Variants in CUX1 observed in about 807,000 individuals in gnomAD.
CUX1 encodes the protein protein CASP.
Under a neutral mutation model 158.8 loss-of-function variants are expected in CUX1, and 31 were observed. The observed-to-expected ratio is 0.20, with a 90% CI of 0.15 to 0.26. The LOEUF (loss-of-function observed/expected upper bound fraction) is 0.26, where lower values mean the gene tolerates loss of function less well. CUX1 is among the 10% of genes least tolerant of loss of function. The probability of loss-of-function intolerance (pLI) is 1.00; values close to 1 mark genes in which losing one functional copy is unlikely to be tolerated. For synonymous variants in CUX1, 879 were observed against 862.1 expected (o/e 1.02, Z -0.34); for missense variants, 1,589 against 2,014.6 (o/e 0.79, Z 4.04).
At chr7:102,196,116 C>T (rs545279010) in intron 14 of CUX1, among the ~76,000 whole-genome samples, 40 of 152,352 alleles carry the variant, frequency 2.6e-4, no homozygotes, top group African/African-American at 9.6e-4. Context: ...CTGGTTTGGG[C>T]AGCTGGTAAA....
At chr7:102,269,389 C>A (rs538768816) in intron 14 of CUX1, among the ~76,000 whole-genome samples, 1 of 151,682 alleles carries the variant, frequency 6.6e-6, no homozygotes, top group Non-Finnish European at 1.5e-5. Flanking sequence ...TACAATCATG[C>A]CTTTCCAACA....
intron 1 of CUX1, among the ~76,000 whole-genome samples, chr7:101,836,849 G>T (rs1375413871): frequency 6.6e-6 from 1 of 152,182 alleles, no homozygotes; most frequent in Non-Finnish European, 1.5e-5. Context: ...CCCAGCATGG[G>T]TGCGGTGGGG....
Position 102,243,632 on chromosome 7 carries a change from AAATAATAATAAT to A in CUX1, c.3887+4084_3887+4095del, listed in dbSNP as rs3077412. Among the ~76,000 whole-genome samples the A allele has an allele frequency of 9.8e-3, 1,286 of 130,812 alleles. 14 individuals are homozygous for A. The highest frequency in any genetic ancestry group is 0.023 in the African/African-American group (782 of 34,706). The allele number at this position is 130,812 out of a possible 152,430, so 85.8% of individuals were successfully genotyped here. A position where few individuals can be genotyped will look rare whatever the true frequency, so the allele number is the denominator to read the frequency against. On this transcript the variant is annotated intron_variant, in intron 23 of 23. Transcript: ENST00000292535. ...CTCAGTGAGACCCTGTCTCTACAGAAAATAATAATAATAATAATAATAATAATAATAATAATA... is the reference window on the plus strand; with the variant it reads ...CTCAGTGAGACCCTGTCTCTACAGAAAATAATAATAATAATAATAATAATA...
intron 1 of CUX1, among the ~76,000 whole-genome samples, chr7:101,853,684 G>C (rs1168183880): frequency 6.6e-6 from 1 of 151,910 alleles, no homozygotes; most frequent in African/African-American, 2.4e-5. Flanking sequence ...GTCTAGTTGC[G>C]GGGAGCCCCC....
chr7:102,190,465 C>G (rs1444234884), intron 12 of CUX1, among the ~76,000 whole-genome samples: 1 of 152,174 alleles, frequency 6.6e-6, no homozygotes, highest in African/African-American at 2.4e-5. Flanking sequence ...AGGTCCTGGT[C>G]TTTACCTGTC....
chr7:101,841,717 G>A (rs1055623135), intron 1 of CUX1, among the ~76,000 whole-genome samples: 4 of 151,842 alleles, frequency 2.6e-5, no homozygotes, highest in East Asian at 1.9e-4. Flanking sequence ...CTGCCACCAC[G>A]CCCAGCTGAG....
In CUX1 at chr7:101,821,671, C is replaced by CTTTTTTTTTTTTTTT. The variant is rs58793343; in HGVS notation, c.30+4014_30+4028dup. Among the ~76,000 whole-genome samples, 138 of 51,322 alleles carry CTTTTTTTTTTTTTTT rather than the reference C, an allele frequency of 2.7e-3. 14 individuals carry two copies. The highest frequency in any genetic ancestry group is 4.3e-3 in the African/African-American group (53 of 12,348). 33.7% of individuals were successfully genotyped at this position (51,322 alleles called of 152,430 possible). ...CTTTTCTTTTCTTTTTTTCTTTTTTCTTTTTTTTTTTTTTTTTTTTTTTTT... is the reference window on the plus strand; with the variant it reads ...CTTTTCTTTTCTTTTTTTCTTTTTTCTTTTTTTTTTTTTTTTTTTTTTTTTTTTTTTTTTTTTTTT... On this transcript the variant is annotated intron_variant, in intron 1 of 23. Coordinates refer to ENST00000292535, the MANE Select transcript of CUX1 (RefSeq NM_181552.4).
intron 9 of CUX1, among the ~76,000 whole-genome samples, chr7:102,168,923 C>CTTTTTTTTTTTTTTTTTTTTTTTTTTT (rs1191271149): frequency 2.2e-5 from 1 of 45,054 alleles, no homozygotes; most frequent in African/African-American, 1.6e-4. Context: ...ATTTTCTTTT[C>CTTTTTTTTTTTTTTTTTTTTTTTTTTT]TTTTCTTTTA....
At chr7:101,991,758 CAAAAAAAAA>C (rs34948858) in intron 2 of CUX1, among the ~76,000 whole-genome samples, 1 of 115,932 alleles carries the variant, frequency 8.6e-6, no homozygotes, top group Non-Finnish European at 1.8e-5. Context: ...GACTTCATCT[CAAAAAAAAA>C]AAAAAAAAAA....
intron 5 of CUX1, 140 bp from the exon 6 acceptor site, chr7:102,104,196 T>G (rs1176741344): frequency 2.6e-6 from 2 of 768,964 alleles, no homozygotes; most frequent in Non-Finnish European, 4.1e-6. Flanking sequence ...AAGGGACTCA[T>G]AACCATTGAT....
chr7:102,121,351 T>TG (rs1202976005), intron 8 of CUX1, among the ~76,000 whole-genome samples: 1 of 150,220 alleles, frequency 6.7e-6, no homozygotes, highest in Non-Finnish European at 1.5e-5. Context: ...CTTTTTGGTT[T>TG]TTTTTTTTTT....
At chr7:101,891,378 C>T (rs1298144659) in intron 1 of CUX1, among the ~76,000 whole-genome samples, 1 of 152,078 alleles carries the variant, frequency 6.6e-6, no homozygotes. Context: ...ACCACCAGGC[C>T]CAGCTGACTT....
intron 10 of CUX1, among the ~76,000 whole-genome samples, chr7:102,177,959 C>T (rs1047472504): frequency 2.6e-5 from 4 of 152,248 alleles, no homozygotes; most frequent in Admixed American, 1.3e-4. Context: ...GTGGTACAAT[C>T]TCAGCTCAGC....
intron 5 of CUX1, among the ~76,000 whole-genome samples, chr7:102,099,991 A>G (rs1371627581): frequency 6.6e-6 from 1 of 152,138 alleles, no homozygotes; most frequent in Non-Finnish European, 1.5e-5. Flanking sequence ...ATTTAAGAAC[A>G]GCTCCAGGCC....
At chr7:102,231,776 C>G (rs1358716690) in intron 21 of CUX1, among the ~76,000 whole-genome samples, 1 of 149,318 alleles carries the variant, frequency 6.7e-6, no homozygotes, top group African/African-American at 2.5e-5. Flanking sequence ...TGCAGTGGCA[C>G]GATCTCGGCT....
intron 8 of CUX1, chr7:102,153,580 A>G (rs1407923430): frequency 6.6e-6 from 1 of 152,292 alleles, no homozygotes; most frequent in Non-Finnish European, 1.5e-5. Context: ...GTCATCGGCA[A>G]GGCATCTCAG....
intron 2 of CUX1, among the ~76,000 whole-genome samples, chr7:102,003,340 G>GC (rs1816946848): frequency 1.0e-5 from 1 of 95,626 alleles, no homozygotes; most frequent in Admixed American, 9.4e-5. Context: ...ACACACGCCC[G>GC]CCCCCCGCTC....
At chr7:102,187,827 G>A (rs149341845) in intron 11 of CUX1, among the ~76,000 whole-genome samples, 18 of 152,042 alleles carry the variant, frequency 1.2e-4, no homozygotes, top group Admixed American at 7.9e-4. Flanking sequence ...TTAAAACATC[G>A]GGCAGGTTGG....
chr7:101,852,667 ATTTTTTTTTTTT>A (rs71106571), intron 1 of CUX1, among the ~76,000 whole-genome samples: 7,673 of 76,524 alleles, frequency 0.1, 812 homozygotes, highest in African/African-American at 0.3. Context: ...CTGCGTTGGA[ATTTTTTTTTTTT>A]TTTTTTTTTT....
Sources: gnomAD v4.1 joint callset for allele counts (sites outside exome capture counted in the v4.1 genomes callset) on GRCh38, gnomAD v4.1.1 for gene constraint, MANE v1.5 for transcripts, NCBI Gene and HGNC (gene_info 2026-07-23, HGNC 2026-07-21) for gene names.